Variants in THSD4 observed in about 807,000 individuals in gnomAD.
The protein encoded by THSD4 is thrombospondin type 1 domain containing 4.
THSD4 carries 69 observed loss-of-function variants against 119.0 expected under a neutral mutation model. The ratio of observed to expected loss-of-function variants is 0.58; its 90% CI spans 0.48 to 0.71. The LOEUF (loss-of-function observed/expected upper bound fraction) is 0.71. THSD4 is among the 30% of genes least tolerant of loss of function. THSD4 has a pLI of 0.00. For synonymous variants in THSD4, 524 were observed against 540.4 expected (o/e 0.97, Z 0.42); for missense variants, 1,393 against 1,391.1 (o/e 1.00, Z -0.02).
At chr15:71,575,165 C>T (rs1314781145) in intron 7 of THSD4, among the ~76,000 whole-genome samples, 2 of 152,076 alleles carry the variant, frequency 1.3e-5, no homozygotes, top group African/African-American at 2.4e-5. Flanking sequence ...TAAAGCTGGG[C>T]TTGTTTGGTT....
chr15:71,646,826 G>C (rs910630458), intron 7 of THSD4, among the ~76,000 whole-genome samples: 8 of 152,130 alleles, frequency 5.3e-5, no homozygotes, highest in Non-Finnish European at 7.3e-5. Flanking sequence ...GCTTATTCTT[G>C]AGCGGCTGCA....
chr15:71,388,185 T>C (rs914734759), intron 6 of THSD4, among the ~76,000 whole-genome samples: 7 of 152,248 alleles, frequency 4.6e-5, no homozygotes, highest in Admixed American at 1.3e-4. Context: ...GCAATCAGTT[T>C]GCGTTTTTAA....
chr15:71,278,706 C>A (rs1042464205), intron 6 of THSD4, among the ~76,000 whole-genome samples: 1 of 151,998 alleles, frequency 6.6e-6, no homozygotes, highest in African/African-American at 2.4e-5. Flanking sequence ...TGAAATATGG[C>A]AGGTTAGAGG....
intron 1 of THSD4, among the ~76,000 whole-genome samples, chr15:71,131,905 C>T (rs1349602127): frequency 1.3e-5 from 2 of 152,090 alleles, no homozygotes; most frequent in East Asian, 1.9e-4. Context: ...TGGAATCACT[C>T]GATGGAAAAA....
Position 71,354,615 on chromosome 15 carries a change from A to G in THSD4, c.1016-57072A>G, listed in dbSNP as rs542883451. ...GAAGGAGCTTGGTTCATGAGGTCTCACCTTTAAACACTTTGGGCTCTAACA... is the reference window on the plus strand; with the variant it reads ...GAAGGAGCTTGGTTCATGAGGTCTCGCCTTTAAACACTTTGGGCTCTAACA... On this transcript the variant is annotated intron_variant, in intron 6 of 17. Transcript: ENST00000261862. Among the ~76,000 whole-genome samples the G allele has an allele frequency of 1.8e-4, 27 of 152,322 alleles. No individual in the cohort carries two copies. In the South Asian group the frequency reaches 5.2e-3, roughly 29 times the overall value.
intron 7 of THSD4, among the ~76,000 whole-genome samples, chr15:71,612,293 G>A (rs1424966672): frequency 6.6e-6 from 1 of 152,202 alleles, no homozygotes; most frequent in African/African-American, 2.4e-5. Flanking sequence ...TCAGTCGGAT[G>A]AGCTCACAAT....
chr15:71,765,121 C>A lies in THSD4; in HGVS notation c.2691C>A (p.Phe897Leu), dbSNP rs766803230. 1.9e-6 allele frequency: 3 copies of A among 1,614,232 alleles called. No individual in the cohort carries two copies. The highest frequency in any genetic ancestry group is 2.5e-6 in the Non-Finnish European group (3 of 1,180,042). Residue 897 changes from phenylalanine to leucine, a missense_variant, in exon 16 of 18, where the codon TTC (phenylalanine) becomes TTA (leucine). Phe to Leu is a conservative substitution (Grantham distance 22). Transcript: ENST00000261862. ...TGTTGGACCCCTCTGAATGTTCTTT[C>A]CTGGAGAAACCCCCCAGCCAGCAAT... ...FEVLDPSECS[F>L]LEKPPSQQSC...
intron 1 of THSD4, among the ~76,000 whole-genome samples, chr15:71,132,832 G>A (rs2040516165): frequency 6.6e-6 from 1 of 152,214 alleles, no homozygotes; most frequent in Non-Finnish European, 1.5e-5. Flanking sequence ...ATGCACAGAT[G>A]TACACACGTG....
At chr15:71,472,531 C>T (rs1460683423) in intron 7 of THSD4, among the ~76,000 whole-genome samples, 2 of 152,158 alleles carry the variant, frequency 1.3e-5, no homozygotes, top group Non-Finnish European at 2.9e-5. Context: ...GAACTCCCCC[C>T]AGTTGAAGAT....
chr15:71,334,147 C>T (rs1384661913), intron 6 of THSD4, among the ~76,000 whole-genome samples: 1 of 152,194 alleles, frequency 6.6e-6, no homozygotes, highest in East Asian at 1.9e-4. Context: ...GAAGCCAGAG[C>T]AGTATATCAG....
chr15:71,575,732 T>G (rs1438862138), intron 7 of THSD4, among the ~76,000 whole-genome samples: 1 of 152,218 alleles, frequency 6.6e-6, no homozygotes, highest in Non-Finnish European at 1.5e-5. Flanking sequence ...CAGAGGACTG[T>G]AGGAAATTTA....
chr15:71,638,047 C>T (rs2050783955), intron 7 of THSD4, among the ~76,000 whole-genome samples: 1 of 152,128 alleles, frequency 6.6e-6, no homozygotes, highest in Admixed American at 6.6e-5. Flanking sequence ...TTTAATACCA[C>T]TGAACTATAC....
intron 8 of THSD4, among the ~76,000 whole-genome samples, chr15:71,721,796 A>G (rs767202756): frequency 6.6e-6 from 1 of 152,104 alleles, no homozygotes; most frequent in Non-Finnish European, 1.5e-5. Context: ...GTTTAGGCCA[A>G]AAATATTTGC....
chr15:71,241,067 G>A (rs2044148912), intron 4 of THSD4, among the ~76,000 whole-genome samples: 1 of 152,180 alleles, frequency 6.6e-6, no homozygotes, highest in African/African-American at 2.4e-5. Context: ...TGTGGAGAGT[G>A]AAGAAAGAAT....
intron 2 of THSD4, among the ~76,000 whole-genome samples, chr15:71,149,887 A>G (rs2040703231): frequency 6.6e-6 from 1 of 152,160 alleles, no homozygotes; most frequent in Admixed American, 6.5e-5. Context: ...CTCCAGTTCC[A>G]TGATGTAAAT....
intron 8 of THSD4, among the ~76,000 whole-genome samples, chr15:71,683,089 T>G (rs2051830633): frequency 6.6e-6 from 1 of 151,566 alleles, no homozygotes; most frequent in Non-Finnish European, 1.5e-5. Flanking sequence ...GCCTGGCCGA[T>G]TTTTGTATTT....
intron 6 of THSD4, among the ~76,000 whole-genome samples, chr15:71,289,621 A>G (rs977357771): frequency 2.6e-5 from 4 of 152,140 alleles, no homozygotes; most frequent in South Asian, 4.1e-4. Context: ...AAGTGGACCA[A>G]TTTGTAATTC....
At chr15:71,335,095 CA>C in intron 6 of THSD4, among the ~76,000 whole-genome samples, 1 of 152,270 alleles carries the variant, frequency 6.6e-6, no homozygotes, top group Admixed American at 6.5e-5. Context: ...ATCTGTGAAA[CA>C]TGTTGGATCT....
intron 7 of THSD4, among the ~76,000 whole-genome samples, chr15:71,485,711 CTG>C (rs2047805353): frequency 6.6e-6 from 1 of 151,970 alleles, no homozygotes; most frequent in Non-Finnish European, 1.5e-5. Context: ...GAGAATAAAA[CTG>C]TTTCCTACAT....
Sources: allele counts gnomAD v4.1 joint callset (sites outside exome capture counted in the v4.1 genomes callset), GRCh38; gene constraint gnomAD v4.1.1; transcripts MANE v1.5; gene names NCBI Gene and HGNC (gene_info 2026-07-23, HGNC 2026-07-21).